Variants in CSGALNACT1 observed in about 807,000 individuals in gnomAD.
The protein encoded by CSGALNACT1 is beta4GalNAcT-1.
A neutral mutation model predicts 51.0 loss-of-function variants in CSGALNACT1; 52 were observed. The ratio of observed to expected loss-of-function variants is 1.02; its 90% CI spans 0.82 to 1.29. CSGALNACT1 has a LOEUF of 1.29. Ranked by LOEUF, CSGALNACT1 falls within the 50% of genes most tolerant of loss-of-function variation. The probability of loss-of-function intolerance (pLI) is 0.00; values close to 1 mark genes in which losing one functional copy is unlikely to be tolerated. For synonymous variants in CSGALNACT1, 341 were observed against 254.4 expected (o/e 1.34, Z -3.24); for missense variants, 935 against 679.2 (o/e 1.38, Z -4.19).
At chr8:19,468,865 G>T (rs2067360897) in intron 4 of CSGALNACT1, among the ~76,000 whole-genome samples, 1 of 152,276 alleles carries the variant, frequency 6.6e-6, no homozygotes, top group East Asian at 1.9e-4. Flanking sequence ...TGTGGGTCAG[G>T]TCAGCCAGGA....
chr8:19,405,192 C>T (rs2053909262), exon 10 of CSGALNACT1: 1 of 448,104 alleles, frequency 2.2e-6, no homozygotes, highest in Non-Finnish European at 4.4e-6. Context: ...GTTAAAAGGA[C>T]AACCAAAAAG....
At chr8:19,700,921 C>T (rs1156912554) in intron 1 of CSGALNACT1, among the ~76,000 whole-genome samples, 1 of 152,042 alleles carries the variant, frequency 6.6e-6, no homozygotes, top group Non-Finnish European at 1.5e-5. Context: ...GAGAAATTAC[C>T]TTTCCCAATA....
intron 1 of CSGALNACT1, among the ~76,000 whole-genome samples, chr8:19,708,907 T>C (rs1461683573): frequency 6.6e-6 from 1 of 152,210 alleles, no homozygotes; most frequent in Non-Finnish European, 1.5e-5. Context: ...TTCCATCATG[T>C]ACCACATATG....
intron 1 of CSGALNACT1, among the ~76,000 whole-genome samples, chr8:19,668,531 C>A (rs1369921579): frequency 6.6e-6 from 1 of 152,144 alleles, no homozygotes; most frequent in Non-Finnish European, 1.5e-5. Flanking sequence ...AGATTCCTAG[C>A]TGTATACATC....
intron 3 of CSGALNACT1, among the ~76,000 whole-genome samples, chr8:19,561,799 A>C (rs2040787068): frequency 6.6e-6 from 1 of 152,234 alleles, no homozygotes; most frequent in Admixed American, 6.5e-5. Context: ...GAGGAAGGCC[A>C]GTGGAAGCAG....
intron 1 of CSGALNACT1, among the ~76,000 whole-genome samples, chr8:19,645,617 G>A (rs1005917291): frequency 1.3e-5 from 2 of 152,230 alleles, no homozygotes; most frequent in Admixed American, 6.5e-5. Flanking sequence ...GGTTCAAAGC[G>A]CAGCTTGCCT....
intron 1 of CSGALNACT1, among the ~76,000 whole-genome samples, chr8:19,638,251 G>C (rs1189980989): frequency 1.3e-5 from 2 of 152,094 alleles, no homozygotes; most frequent in Non-Finnish European, 2.9e-5. Flanking sequence ...AGAGAGGTTG[G>C]GCTTGAGAGG....
At chr8:19,620,869 C>T (rs2053733666) in intron 1 of CSGALNACT1, among the ~76,000 whole-genome samples, 1 of 152,156 alleles carries the variant, frequency 6.6e-6, no homozygotes, top group African/African-American at 2.4e-5. Flanking sequence ...TCAAGTCCAA[C>T]CAGGAGCATC....
At chr8:19,481,137 G>A (rs1269746622) in intron 4 of CSGALNACT1, among the ~76,000 whole-genome samples, 1 of 152,060 alleles carries the variant, frequency 6.6e-6, no homozygotes, top group Non-Finnish European at 1.5e-5. Flanking sequence ...TCTTATGTGC[G>A]GCTAATAAAA....
At chr8:19,599,600 G>C (rs1341041058) in intron 2 of CSGALNACT1, among the ~76,000 whole-genome samples, 1 of 151,822 alleles carries the variant, frequency 6.6e-6, no homozygotes, top group African/African-American at 2.4e-5. Context: ...AGGAAGGAAA[G>C]AAGGAAAGAA....
chr8:19,488,478 A>G (rs2073609321), intron 4 of CSGALNACT1, among the ~76,000 whole-genome samples: 1 of 144,676 alleles, frequency 6.9e-6, no homozygotes, highest in South Asian at 2.2e-4. Context: ...TACTTTTATA[A>G]TTTTGTTTAT....
chr8:19,620,495 C>T (rs9325859), intron 1 of CSGALNACT1, among the ~76,000 whole-genome samples: 33,221 of 150,482 alleles, frequency 0.22, 4,725 homozygotes, highest in African/African-American at 0.41. Context: ...TACAGTGGCA[C>T]GATCATAGGT....
At chr8:19,471,534 GCCC>G (rs1273225362) in intron 4 of CSGALNACT1, among the ~76,000 whole-genome samples, 1 of 152,016 alleles carries the variant, frequency 6.6e-6, no homozygotes, top group African/African-American at 2.4e-5. Flanking sequence ...TCTGCTTCAT[GCCC>G]CTCAGTCGAA....
At chr8:19,408,673 A>C in exon 9 of CSGALNACT1, 1 of 1,613,548 alleles carries the variant, frequency 6.2e-7, no homozygotes, top group Non-Finnish European at 8.5e-7. Flanking sequence ...TCTCTCCAAA[A>C]TCCAGTTTCC....
At chr8:19,679,084 G>A (rs923703384) in intron 1 of CSGALNACT1, among the ~76,000 whole-genome samples, 1 of 152,120 alleles carries the variant, frequency 6.6e-6, no homozygotes, top group African/African-American at 2.4e-5. Context: ...ATAAAGACTT[G>A]AAAAACTTTC....
At chr8:19,737,682 T>C (rs1349204428) in intron 1 of CSGALNACT1, among the ~76,000 whole-genome samples, 1 of 152,102 alleles carries the variant, frequency 6.6e-6, no homozygotes, top group African/African-American at 2.4e-5. Context: ...ATAAGGCACA[T>C]AAGTAGCAGT....
chr8:19,707,948 C>A (rs1486204702), intron 1 of CSGALNACT1, among the ~76,000 whole-genome samples: 1 of 152,172 alleles, frequency 6.6e-6, no homozygotes, highest in Non-Finnish European at 1.5e-5. Flanking sequence ...GCAGAGGTTG[C>A]AGTGAGCTGA....
chr8:19,426,848 C>T lies in CSGALNACT1; in HGVS notation c.954-6330G>A, dbSNP rs137892046. On this transcript the variant is annotated intron_variant, in intron 6 of 9. Transcript: ENST00000454498. ...AGATCTTCCTGTCTAATATGATTTA[C>T]TCTAATATAGACTTTTCCCCACAAC... Among the ~76,000 whole-genome samples the T allele has an allele frequency of 4.6e-5, 7 of 152,290 alleles. No homozygotes were observed. In the East Asian group the frequency reaches 1.2e-3, roughly 25 times the overall value.
At chr8:19,615,825 G>C (rs932765411) in intron 1 of CSGALNACT1, among the ~76,000 whole-genome samples, 1 of 152,162 alleles carries the variant, frequency 6.6e-6, no homozygotes, top group African/African-American at 2.4e-5. Context: ...AAACAATCCA[G>C]AATATGAATC....
Sources: gnomAD v4.1 joint callset for allele counts (sites outside exome capture counted in the v4.1 genomes callset) on GRCh38, gnomAD v4.1.1 for gene constraint, MANE v1.5 for transcripts, NCBI Gene and HGNC (gene_info 2026-07-23, HGNC 2026-07-21) for gene names.